Variants in PTPRN2 observed in about 807,000 individuals in gnomAD.
PTPRN2 encodes the protein protein tyrosine phosphatase receptor type N2, also known as receptor-type tyrosine-protein phosphatase N2.
PTPRN2 carries 74 observed loss-of-function variants against 118.8 expected under a neutral mutation model. The ratio of observed to expected loss-of-function variants is 0.62; its 90% confidence interval spans 0.52 to 0.76. The LOEUF is 0.76. Among genes scored for constraint, PTPRN2 ranks in the 30% least tolerant of loss-of-function variants. PTPRN2 has a pLI of 0.00. For missense variants in PTPRN2, 1,481 were observed against 1,394.4 expected, an observed-to-expected ratio of 1.06 and a Z score of -0.99; for synonymous variants, 641 against 608.0, an observed-to-expected ratio of 1.05 and a Z score of -0.80.
intron 10 of PTPRN2, among the ~76,000 whole-genome samples, chr7:158,082,727 C>G (rs536761408): frequency 2.4e-4 from 37 of 152,358 alleles, no homozygotes; most frequent in African/African-American, 7.5e-4. Flanking sequence ...GGAAAATGCA[C>G]CATGTCCACC....
At chr7:158,048,070 A>G (rs1394565603) in intron 11 of PTPRN2, among the ~76,000 whole-genome samples, 1 of 152,142 alleles carries the variant, frequency 6.6e-6, no homozygotes, top group East Asian at 1.9e-4. Context: ...TGGTGCATAC[A>G]CACTTTCTTC....
Position 157,657,669 on chromosome 7 carries a change from A to C in PTPRN2, c.2002-1118T>G, listed in dbSNP as rs1327305263. ...ACACATATACACACACATACACCCC[A>C]CACACACACCACACACATCACACAT... On this transcript the variant is annotated intron_variant, in intron 13 of 22. Transcript: ENST00000389418. 6.5e-5 allele frequency among the ~76,000 whole-genome samples: 8 copies of C among 123,420 alleles called. No individual in the cohort carries two copies. In the East Asian group the frequency reaches 7.7e-4, roughly 12 times the overall value. The allele number at this position is 123,420 out of a possible 152,430, so 81.0% of individuals were successfully genotyped here.
chr7:158,282,878 G>A (rs533168872), intron 3 of PTPRN2, among the ~76,000 whole-genome samples: 11 of 150,008 alleles, frequency 7.3e-5, no homozygotes, highest in East Asian at 2.0e-4. Flanking sequence ...ACACAGCAGC[G>A]GGACACAGAG....
Position 157,790,064 on chromosome 7 carries a change from TGTGTG to T in PTPRN2, c.1789-107132_1789-107128del, listed in dbSNP as rs200151446. ...GTGTGTGGTGTTTGTGTGGTGTGAA[TGTGTG>T]GTGTGTGTGTGTGGTGTGTGTGGTG... On this transcript the variant is annotated intron_variant, in intron 12 of 22. Transcript: ENST00000389418. Among the ~76,000 whole-genome samples, 164 of 122,230 alleles carry T rather than the reference TGTGTG, an allele frequency of 1.3e-3. 2 individuals are homozygous for T. In the South Asian group the frequency reaches 0.026, roughly 19 times the overall value. The allele number at this position is 122,230 out of a possible 152,430, so 80.2% of individuals were successfully genotyped here.
chr7:157,730,748 A>T (rs1199359299), intron 12 of PTPRN2, among the ~76,000 whole-genome samples: 1 of 152,136 alleles, frequency 6.6e-6, no homozygotes, highest in Non-Finnish European at 1.5e-5. Flanking sequence ...CGGCCCTCCC[A>T]ACACTTCCCC....
At chr7:158,440,230 C>G (rs1356298423) in intron 2 of PTPRN2, among the ~76,000 whole-genome samples, 1 of 152,254 alleles carries the variant, frequency 6.6e-6, no homozygotes, top group Non-Finnish European at 1.5e-5. Flanking sequence ...CCTCCAAAGA[C>G]TTGACATTCA....
intron 11 of PTPRN2, 94 bp from the exon 12 acceptor site, chr7:157,898,831 T>A: frequency 8.8e-7 from 1 of 1,135,350 alleles, no homozygotes; most frequent in Non-Finnish European, 1.3e-6. Flanking sequence ...AAAATTTCAA[T>A]TACATGACTG....
rs185384773 is a variant in PTPRN2 at position 158,036,049 on chromosome 7, T to C, written c.1723+45249A>G. On this transcript the variant is annotated intron_variant, in intron 11 of 22. Coordinates refer to ENST00000389418, the MANE Select transcript of PTPRN2 (RefSeq NM_002847.5). ...GCAGAGAGCACAGACATGAGCAGAG[T>C]TGACTGTTTAAAAATATGAAGGAAA... Among the ~76,000 whole-genome samples the C allele has an allele frequency of 2.0e-4, 30 of 152,066 alleles. 1 individual carries two copies. The South Asian group carries it at 5.2e-3, about 26-fold the overall frequency.
intron 11 of PTPRN2, among the ~76,000 whole-genome samples, chr7:157,961,920 C>G (rs181703772): frequency 6.6e-6 from 1 of 151,812 alleles, no homozygotes; most frequent in Non-Finnish European, 1.5e-5. Flanking sequence ...CACCGGGACC[C>G]GGGGTGTGTG....
chr7:157,843,390 G>A (rs1394855166), intron 12 of PTPRN2, among the ~76,000 whole-genome samples: 3 of 152,160 alleles, frequency 2.0e-5, no homozygotes, highest in African/African-American at 4.8e-5. Flanking sequence ...TAATTGTGGT[G>A]GTAGGGGGGC....
chr7:158,442,668 G>A (rs1586687876), intron 2 of PTPRN2, among the ~76,000 whole-genome samples: 2 of 152,298 alleles, frequency 1.3e-5, no homozygotes, highest in South Asian at 2.1e-4. Flanking sequence ...CTTTAGGATC[G>A]TAAGGAGGTG....
At position 158,529,258 on chromosome 7, in the gene PTPRN2, A is replaced by T. The variant is rs552493178; in HGVS notation, c.113-39473T>A. ...TGATGGGAGGAGCAGCTGCGTGCAT[A>T]TTTACTTCTGAATATTTTCACATTT... On this transcript the variant is annotated intron_variant, in intron 1 of 22. Coordinates refer to ENST00000389418, the MANE Select transcript of PTPRN2 (RefSeq NM_002847.5). This position sits in a 1 kb window ranked among gnomAD's most constrained non-coding sequence, Gnocchi z 4.7. 1.4e-4 allele frequency among the ~76,000 whole-genome samples: 21 copies of T among 152,306 alleles called. No individual in the cohort carries two copies. In the South Asian group the frequency reaches 2.7e-3, roughly 20 times the overall value.
At chr7:158,521,600 G>A (rs1824030013) in intron 1 of PTPRN2, among the ~76,000 whole-genome samples, 2 of 132,178 alleles carry the variant, frequency 1.5e-5, no homozygotes, top group African/African-American at 2.8e-5. Flanking sequence ...TCACAATGGT[G>A]GACTGTCCAG....
chr7:157,968,676 A>G (rs1297439730), intron 11 of PTPRN2, among the ~76,000 whole-genome samples: 1 of 152,112 alleles, frequency 6.6e-6, no homozygotes, highest in Non-Finnish European at 1.5e-5. Context: ...CAGATGAAGA[A>G]TCCAGCCTGG....
At position 158,139,499 on chromosome 7, in the gene PTPRN2, G is replaced by A. The variant is rs565426950; in HGVS notation, c.911-984C>T. Among the ~76,000 whole-genome samples the A allele has an allele frequency of 1.2e-4, 18 of 152,056 alleles. No homozygotes were observed. The East Asian group carries it at 3.3e-3, about 28-fold the overall frequency. On this transcript the variant is annotated intron_variant, in intron 6 of 22. Coordinates refer to ENST00000389418, the MANE Select transcript of PTPRN2 (RefSeq NM_002847.5). ...GTCGGAGTCAGGAGGGCACGGGGGG[G>A]TGGGAAAGGAACCAGAAACACCTGA...
rs76030434 is a variant in PTPRN2, at chr7:157,642,290, T to C, written c.2196+14067A>G. Among the ~76,000 whole-genome samples the C allele has an allele frequency of 4.7e-3, 709 of 152,290 alleles. 4 individuals are homozygous for C. Among genetic ancestry groups the C allele is most frequent in the Non-Finnish European group, 7.1e-3 (483 of 68,030 alleles). The stretch of plus-strand genomic sequence containing the variant: ...AGGAGCCGTGCTGAGGACATGAAGG[T>C]AAGCAGAGCCCACCTGACGCCAGCT... On this transcript the variant is annotated intron_variant, in intron 14 of 22. Coordinates refer to ENST00000389418, the MANE Select transcript of PTPRN2 (RefSeq NM_002847.5).
Position 157,729,849 on chromosome 7 carries a change from C to T in PTPRN2, c.1789-46912G>A, listed in dbSNP as rs538244070. Among the ~76,000 whole-genome samples, 6 of 152,230 alleles carry T rather than the reference C, an allele frequency of 3.9e-5. No individual in the cohort carries two copies. The highest frequency in any genetic ancestry group is 6.5e-5 in the Admixed American group (1 of 15,294). On this transcript the variant is annotated intron_variant, in intron 12 of 22. Coordinates refer to ENST00000389418, the MANE Select transcript of PTPRN2 (RefSeq NM_002847.5). The surrounding 1 kb of genome is among the most constrained non-coding windows in gnomAD (Gnocchi z 4.3). ...AGCGGCAGGCGGATGAGGGAAGGACCGTCCATTTGACTGGGCCACAGGTGT... is the reference window on the plus strand; with the variant it reads ...AGCGGCAGGCGGATGAGGGAAGGACTGTCCATTTGACTGGGCCACAGGTGT...
chr7:158,245,010 C>T (rs979123545), intron 3 of PTPRN2, among the ~76,000 whole-genome samples: 1 of 152,200 alleles, frequency 6.6e-6, no homozygotes, highest in Non-Finnish European at 1.5e-5. Context: ...GTCATGTGGA[C>T]AAGTGACGTC....
rs149975238 is a variant in PTPRN2 at position 157,607,451 on chromosome 7, G to A, written c.2345-3376C>T. ...AGGCACTTGTGAGACCAGCAACTGC[G>A]GACCGTTCTTACGTGTCTGAGAAGG... On this transcript the variant is annotated intron_variant, in intron 15 of 22. Transcript: ENST00000389418. Among the ~76,000 whole-genome samples the A allele has an allele frequency of 8.3e-3, 1,262 of 152,344 alleles. 17 individuals carry two copies. The highest frequency in any genetic ancestry group is 0.029 in the African/African-American group (1,202 of 41,580).
Sources: gnomAD v4.1 joint callset for allele counts (sites outside exome capture counted in the v4.1 genomes callset) on GRCh38, gnomAD v4.1.1 for gene constraint, Gnocchi (gnomAD v3.1) non-coding constraint, MANE v1.5 for transcripts, NCBI Gene and HGNC (gene_info 2026-07-23, HGNC 2026-07-21) for gene names.